The following ZNF638 variants were observed in gnomAD, a reference collection of about 807,000 sequenced individuals.
ZNF638 encodes the protein zinc finger protein 638.
In ZNF638, 46 loss-of-function variants were observed where a neutral mutation model predicts 195.6. The observed-to-expected ratio is 0.24, with a 90% CI of 0.19 to 0.30. The LOEUF (loss-of-function observed/expected upper bound fraction) is 0.30. Ranked by LOEUF, ZNF638 falls within the 10% of genes least tolerant of loss-of-function variation. The pLI, the probability that ZNF638 is intolerant of heterozygous loss-of-function variation, is 1.00. For missense variants in ZNF638, 2,440 were observed against 2,325.3 expected, an observed-to-expected ratio of 1.05 and a Z score of -1.01; for synonymous variants, 845 against 772.0, an observed-to-expected ratio of 1.09 and a Z score of -1.57.
At position 71,431,550 on chromosome 2, in the gene ZNF638, G is replaced by C. The variant is rs557086913; in HGVS notation, c.5752+122G>C. The C allele has an allele frequency of 4.1e-6, 3 of 734,908 alleles. No individual in the cohort carries two copies. In the South Asian group the frequency reaches 4.6e-5, roughly 11 times the overall value. The allele number at this position is 734,908 out of a possible 1,614,324, so 45.5% of individuals were successfully genotyped here. On this transcript the variant is annotated intron_variant, in intron 26 of 27. Transcript: ENST00000264447. The stretch of plus-strand genomic sequence containing the variant: ...CGAGGCGGGTGGATCACTAGGTCAG[G>C]AGATTGAGACCATCCTGGCTAACAC...
At chr2:71,396,410 T>G (rs1407697640) in intron 11 of ZNF638, among the ~76,000 whole-genome samples, 1 of 152,220 alleles carries the variant, frequency 6.6e-6, no homozygotes, top group African/African-American at 2.4e-5. Flanking sequence ...AAATTTCTTA[T>G]GATGAGTATC....
intron 1 of ZNF638, chr2:71,332,973 C>T (rs1264025143): frequency 6.6e-6 from 1 of 152,044 alleles, no homozygotes; most frequent in Admixed American, 6.5e-5. Context: ...CTGCTTTTTC[C>T]CCTCATTTGT....
chr2:71,371,541 T>C (rs1402969688), intron 8 of ZNF638, among the ~76,000 whole-genome samples: 1 of 152,202 alleles, frequency 6.6e-6, no homozygotes, highest in Admixed American at 6.5e-5. Flanking sequence ...AAAGCCATTT[T>C]AACCGGGGTA....
chr2:71,349,355 G>T lies in ZNF638; in HGVS notation c.401G>T (p.Arg134Leu). ...GAGCAGAGTCCCAAAGTACAGAGCC[G>T]CTATACAAAAGAGAGTGCCTCAAGT... Reference protein sequence around the residue: ...VTEQSPKVQSRYTKESASSIL... With the variant: ...VTEQSPKVQSLYTKESASSIL... The change falls in exon 2 of 28, where the codon CGC (arginine) becomes CTC (leucine). Residue 134 changes from arginine to leucine, a missense_variant. Arg to Leu is a moderately radical substitution (Grantham distance 102). Coordinates refer to ENST00000264447, the MANE Select transcript of ZNF638 (RefSeq NM_014497.5). The T allele has an allele frequency of 6.2e-7, 1 of 1,614,088 alleles. No homozygotes were observed. The highest frequency in any genetic ancestry group is 8.5e-7 in the Non-Finnish European group (1 of 1,180,018).
chr2:71,388,769 C>A (rs1325994588), intron 10 of ZNF638: 1 of 962,384 alleles, frequency 1.0e-6, no homozygotes, highest in South Asian at 1.3e-5. Context: ...CAGGGGAATT[C>A]TCAGACTAGA....
intron 20 of ZNF638, among the ~76,000 whole-genome samples, chr2:71,416,885 G>C (rs533113849): frequency 4.4e-4 from 66 of 150,094 alleles, no homozygotes; most frequent in African/African-American, 1.6e-3. Flanking sequence ...CTTCAAAGCT[G>C]TCAGACAGGG....
chr2:71,375,062 T>C (rs1300802223), intron 8 of ZNF638: 1 of 152,178 alleles, frequency 6.6e-6, no homozygotes, highest in African/African-American at 2.4e-5. Flanking sequence ...ATATAGCTAT[T>C]AGAGAGGATC....
At chr2:71,341,378 T>C (rs181917676) in intron 1 of ZNF638, among the ~76,000 whole-genome samples, 3 of 152,230 alleles carry the variant, frequency 2.0e-5, no homozygotes, top group East Asian at 1.9e-4. Flanking sequence ...TTTTGAAAAA[T>C]AGTAAATTTA....
At chr2:71,419,175 C>T (rs1166740292) in intron 21 of ZNF638, among the ~76,000 whole-genome samples, 1 of 152,134 alleles carries the variant, frequency 6.6e-6, no homozygotes, top group Admixed American at 6.5e-5. Context: ...TGACTTACAG[C>T]CTTGTTTTGA....
At chr2:71,397,342 G>C (rs562161636) in intron 11 of ZNF638, among the ~76,000 whole-genome samples, 1 of 152,292 alleles carries the variant, frequency 6.6e-6, no homozygotes, top group African/African-American at 2.4e-5. Flanking sequence ...CTGAGGCTCA[G>C]TTTACTGCAG....
intron 1 of ZNF638, among the ~76,000 whole-genome samples, chr2:71,344,537 G>A (rs932876452): frequency 8.9e-6 from 1 of 111,948 alleles, no homozygotes; most frequent in African/African-American, 3.0e-5. Context: ...TCTTTGGTCA[G>A]TAATTATTTT....
chr2:71,392,788 A>T (rs897163804), intron 10 of ZNF638, among the ~76,000 whole-genome samples: 2 of 152,200 alleles, frequency 1.3e-5, no homozygotes, highest in Non-Finnish European at 2.9e-5. Flanking sequence ...TCACAGGCAC[A>T]TCTCTTCCTT....
intron 8 of ZNF638, 89 bp downstream of exon 8, chr2:71,370,094 A>G (rs1038165353): frequency 1.4e-6 from 2 of 1,385,440 alleles, no homozygotes; most frequent in African/African-American, 2.9e-5. Flanking sequence ...AGAAATAGGC[A>G]TAGAAACATA....
At chr2:71,399,919 A>T (rs1573121001) in intron 13 of ZNF638, among the ~76,000 whole-genome samples, 193 bp from the exon 14 acceptor site, 1 of 152,110 alleles carries the variant, frequency 6.6e-6, no homozygotes, top group Admixed American at 6.6e-5. Flanking sequence ...TTTAAGGTAT[A>T]TTTTGAAATT....
chr2:71,370,037 C>A (rs1558848495), intron 8 of ZNF638, 32 bp downstream of exon 8: 1 of 1,579,666 alleles, frequency 6.3e-7, no homozygotes, highest in Non-Finnish European at 8.5e-7. Context: ...AATGTTTTAT[C>A]ACTGTTGTTT....
At chr2:71,410,456 C>T (rs2080191783) in intron 20 of ZNF638, among the ~76,000 whole-genome samples, 1 of 152,010 alleles carries the variant, frequency 6.6e-6, no homozygotes, top group African/African-American at 2.4e-5. Context: ...AGTGCTCCTC[C>T]ACCCTGGGCC....
chr2:71,408,494 A>G (rs968605606), intron 20 of ZNF638: 1 of 401,052 alleles, frequency 2.5e-6, no homozygotes, highest in Admixed American at 4.4e-5. Context: ...AGGTATCTAC[A>G]TTTTTGTGTA....
rs1258687875 is a variant in ZNF638 at position 71,406,182 on chromosome 2, G to C, written c.3055G>C (p.Asp1019His). The change falls in exon 19 of 28, where the codon GAT becomes CAT. Residue 1019 changes from aspartate to histidine, a missense_variant. This residue lies in a region of ZNF638 where 1,883 missense variants were observed against 1,739.1 expected (regional missense o/e 1.08). Transcript: ENST00000264447. The part of the protein sequence containing the change: ...RFVHLDNLPE[D>H]GLQCVLCVGL... ...TGTACATCTTGATAATTTACCGGAA[G>C]ATGGACTTCAGTGTGTACTTTGTGT... is the stretch of plus-strand genomic sequence containing the variant. The C allele has an allele frequency of 3.1e-6, 5 of 1,613,694 alleles. No homozygotes were observed. The highest frequency in any genetic ancestry group is 1.6e-4 in the Middle Eastern group (1 of 6,076).
Position 71,423,090 on chromosome 2 carries a change from T to C in ZNF638, c.3576T>C (p.Thr1192=). The change falls in exon 22 of 28, where the codon ACT becomes ACC. Residue 1192 remains threonine (T), a synonymous_variant. Coordinates refer to ENST00000264447, the MANE Select transcript of ZNF638 (RefSeq NM_014497.5). ...ASASVSIEQF[T]ENAEECALNQ... Reference sequence around the variant, plus strand: ...CTTCAGTCAGTATTGAACAATTCACTGAAAATGCCGAGGAGTGTGCTTTAA... The same window carrying C: ...CTTCAGTCAGTATTGAACAATTCACCGAAAATGCCGAGGAGTGTGCTTTAA... The C allele has an allele frequency of 1.2e-6, 2 of 1,614,132 alleles. No homozygotes were observed. The highest frequency in any genetic ancestry group is 1.7e-5 in the Admixed American group (1 of 60,022).
Sources: allele counts gnomAD v4.1 joint callset (sites outside exome capture counted in the v4.1 genomes callset), GRCh38; gene constraint gnomAD v4.1.1; regional missense constraint gnomAD v4.1.1; transcripts MANE v1.5; gene names NCBI Gene and HGNC (gene_info 2026-07-23, HGNC 2026-07-21).